Variants in RFTN2 observed in about 807,000 individuals in gnomAD.
RFTN2 encodes raftlin-2.
Under a neutral mutation model 52.7 loss-of-function variants are expected in RFTN2, and 34 were observed. The observed-to-expected ratio is 0.64, with a 90% CI of 0.49 to 0.86. RFTN2 has a LOEUF of 0.86. Among genes scored for constraint, RFTN2 ranks in the 40% least tolerant of loss-of-function variants. The pLI is 0.00. For synonymous variants in RFTN2, 203 were observed against 217.7 expected, an observed-to-expected ratio of 0.93 and a Z score of 0.59; for missense variants, 536 against 600.1, an observed-to-expected ratio of 0.89 and a Z score of 1.12.
intron 8 of RFTN2, among the ~76,000 whole-genome samples, chr2:197,579,306 C>T (rs1320309822): frequency 6.6e-6 from 1 of 152,206 alleles, no homozygotes; most frequent in Admixed American, 6.5e-5. Context: ...CTCCATGTCT[C>T]TACCCTCTCT....
intron 5 of RFTN2, 112 bp downstream of exon 5, chr2:197,630,899 G>T: frequency 1.4e-6 from 1 of 729,502 alleles, no homozygotes; most frequent in Non-Finnish European, 2.4e-6. Context: ...TATTTCCTTA[G>T]GAATGGTATC....
At chr2:197,581,183 A>C (rs1393531466) in intron 8 of RFTN2, among the ~76,000 whole-genome samples, 1 of 151,984 alleles carries the variant, frequency 6.6e-6, no homozygotes, top group Non-Finnish European at 1.5e-5. Context: ...AAAACCTATA[A>C]ACTCTCCTTA....
chr2:197,606,447 G>A (rs2087963245), intron 7 of RFTN2, among the ~76,000 whole-genome samples: 1 of 152,132 alleles, frequency 6.6e-6, no homozygotes, highest in Non-Finnish European at 1.5e-5. Flanking sequence ...TCAGTCACTT[G>A]TGAAATACAC....
In RFTN2 at chr2:197,638,450, T is replaced by C. The variant is rs1295499771; in HGVS notation, c.439-4453A>G. Reference sequence around the variant, plus strand: ...GTATTGGGTGCATATATATTTAGGATAGTTAGCTCTTCTTGTTGAATTGAT... The same window carrying C: ...GTATTGGGTGCATATATATTTAGGACAGTTAGCTCTTCTTGTTGAATTGAT... On this transcript the variant is annotated intron_variant, in intron 3 of 8. Coordinates refer to ENST00000295049, the MANE Select transcript of RFTN2 (RefSeq NM_144629.3). Among the ~76,000 whole-genome samples the C allele has an allele frequency of 6.1e-5, 5 of 82,182 alleles. No individual in the cohort carries two copies. In the South Asian group the frequency reaches 1.3e-3, roughly 22 times the overall value. 53.9% of individuals were successfully genotyped at this position (82,182 alleles called of 152,430 possible).
At chr2:197,579,754 C>G (rs2087475124) in intron 8 of RFTN2, among the ~76,000 whole-genome samples, 1 of 152,108 alleles carries the variant, frequency 6.6e-6, no homozygotes, top group African/African-American at 2.4e-5. Context: ...TGACCTCTCC[C>G]TTCCTCCCCA....
chr2:197,669,452 C>T (rs1486954752), intron 1 of RFTN2, among the ~76,000 whole-genome samples: 3 of 151,736 alleles, frequency 2.0e-5, no homozygotes, highest in African/African-American at 4.8e-5. Context: ...ACAAAACATG[C>T]TTAAAACTAC....
Position 197,616,285 on chromosome 2 carries a change from T to TTTTATTTTAC in RFTN2, c.1051-307_1051-306insGTAAAATAAA, listed in dbSNP as rs1227124431. 9.9e-5 allele frequency among the ~76,000 whole-genome samples: 6 copies of TTTTATTTTAC among 60,826 alleles called. 1 individual carries two copies. In the East Asian group the frequency reaches 1.4e-3, roughly 15 times the overall value. 39.9% of individuals were successfully genotyped at this position (60,826 alleles called of 152,430 possible). ...GGAATCTGCATTTTATTTTATTTTA[T>TTTTATTTTAC]TTTATTTTATTTTATTTTATTTTAA... On this transcript the variant is annotated intron_variant, in intron 6 of 8. Transcript: ENST00000295049.
chr2:197,628,773 G>A, intron 5 of RFTN2, among the ~76,000 whole-genome samples: 1 of 152,166 alleles, frequency 6.6e-6, no homozygotes, highest in Non-Finnish European at 1.5e-5. Context: ...GGCATTCTGG[G>A]AGTCACTTTA....
At chr2:197,642,598 C>G (rs1177216781) in intron 3 of RFTN2, among the ~76,000 whole-genome samples, 7 of 152,142 alleles carry the variant, frequency 4.6e-5, no homozygotes, top group Non-Finnish European at 1.5e-5. Flanking sequence ...CCCTTATTCA[C>G]TGTTGGTTAA....
chr2:197,640,330 C>T (rs552478447), intron 3 of RFTN2, among the ~76,000 whole-genome samples: 1 of 152,316 alleles, frequency 6.6e-6, no homozygotes, highest in East Asian at 1.9e-4. Flanking sequence ...GCCCCTCCCC[C>T]AGCCTCACTG....
At chr2:197,619,616 A>AG (rs2088223598) in intron 5 of RFTN2, among the ~76,000 whole-genome samples, 1 of 149,216 alleles carries the variant, frequency 6.7e-6, no homozygotes, top group Non-Finnish European at 1.5e-5. Context: ...GGAAGGCCGC[A>AG]GGGTCCTCTG....
chr2:197,675,058 A>C (rs2089197208), intron 1 of RFTN2, among the ~76,000 whole-genome samples: 1 of 152,236 alleles, frequency 6.6e-6, no homozygotes, highest in Non-Finnish European at 1.5e-5. Flanking sequence ...TTCTATAAAT[A>C]AGTATTTGAT....
chr2:197,575,223 C>T (rs1039058795), intron 8 of RFTN2, among the ~76,000 whole-genome samples: 2 of 152,344 alleles, frequency 1.3e-5, no homozygotes, highest in Non-Finnish European at 2.9e-5. Flanking sequence ...TCCTCATTCA[C>T]CTTCCGCCAT....
In RFTN2 at chr2:197,577,315, C is replaced by T. The variant is rs1384887617; in HGVS notation, c.1234-5035G>A. On this transcript the variant is annotated intron_variant, in intron 8 of 8. Transcript: ENST00000295049. The stretch of plus-strand genomic sequence containing the variant: ...ATATATTCGGGGTTCACAAAGTCTA[C>T]AGTAGGTCCTTTCTCAACAATGGCC... 2.6e-5 allele frequency among the ~76,000 whole-genome samples: 4 copies of T among 152,222 alleles called. No homozygotes were observed. The East Asian group carries it at 5.8e-4, about 22-fold the overall frequency.
At chr2:197,671,262 C>T (rs550418559) in intron 1 of RFTN2, among the ~76,000 whole-genome samples, 1 of 152,330 alleles carries the variant, frequency 6.6e-6, no homozygotes, top group African/African-American at 2.4e-5. Flanking sequence ...GCTCTGTTCA[C>T]CAGCCCTTGA....
chr2:197,596,416 T>C (rs902203558), intron 7 of RFTN2, among the ~76,000 whole-genome samples: 6 of 152,222 alleles, frequency 3.9e-5, no homozygotes, highest in Non-Finnish European at 7.3e-5. Context: ...TTTGCATGTC[T>C]GTGATCACTG....
At chr2:197,615,819 C>A in intron 7 of RFTN2, 57 bp downstream of exon 7, 2 of 873,700 alleles carry the variant, frequency 2.3e-6, no homozygotes, top group Non-Finnish European at 3.7e-6. Context: ...AACTATCTAA[C>A]AGATGAAGTT....
chr2:197,623,062 A>G (rs2088294528), intron 5 of RFTN2, among the ~76,000 whole-genome samples: 1 of 152,248 alleles, frequency 6.6e-6, no homozygotes. Flanking sequence ...TCTGCAGCCC[A>G]TGGATCAAGG....
At chr2:197,597,571 G>A (rs1450365659) in intron 7 of RFTN2, among the ~76,000 whole-genome samples, 1 of 151,980 alleles carries the variant, frequency 6.6e-6, no homozygotes, top group African/African-American at 2.4e-5. Flanking sequence ...CCAGGCTGAA[G>A]TGCAGTGGCG....
Sources: allele counts gnomAD v4.1 joint callset (sites outside exome capture counted in the v4.1 genomes callset), GRCh38; gene constraint gnomAD v4.1.1; transcripts MANE v1.5; gene names NCBI Gene and HGNC (gene_info 2026-07-23, HGNC 2026-07-21).